ERBB4: variants seen among roughly 807,000 people sequenced by gnomAD.
ERBB4 encodes erb-b2 receptor tyrosine kinase 4.
Under a neutral mutation model 158.0 loss-of-function variants are expected in ERBB4, and 42 were observed. The ratio of observed to expected loss-of-function variants is 0.27; its 90% CI spans 0.21 to 0.34. The LOEUF is 0.34. Among genes scored for constraint, ERBB4 ranks in the 10% least tolerant of loss-of-function variants. ERBB4 has a pLI of 1.00. For missense variants in ERBB4, 1,333 were observed against 1,624.1 expected, an observed-to-expected ratio of 0.82 and a Z score of 3.08; for synonymous variants, 583 against 558.7, an observed-to-expected ratio of 1.04 and a Z score of -0.61.
chr2:212,383,259 C>T (rs1398336967), intron 1 of ERBB4, among the ~76,000 whole-genome samples: 1 of 151,310 alleles, frequency 6.6e-6, no homozygotes, highest in Admixed American at 6.6e-5. Context: ...GTCTACCTAC[C>T]TACACCCTAC....
chr2:212,375,403 C>T (rs956648565), intron 1 of ERBB4, among the ~76,000 whole-genome samples: 2 of 152,046 alleles, frequency 1.3e-5, no homozygotes, highest in Admixed American at 6.6e-5. Context: ...CTAATCTTGC[C>T]TGATCTTTTA....
chr2:211,653,484 C>CT (rs1262425326), intron 16 of ERBB4, among the ~76,000 whole-genome samples: 2 of 148,244 alleles, frequency 1.3e-5, no homozygotes, highest in African/African-American at 5.0e-5. Context: ...CCCGCCCCCC[C>CT]CCACGCCCGC....
At chr2:211,921,228 T>C (rs1370476597) in intron 3 of ERBB4, among the ~76,000 whole-genome samples, 1 of 152,012 alleles carries the variant, frequency 6.6e-6, no homozygotes, top group Non-Finnish European at 1.5e-5. Context: ...GTAACAGAAA[T>C]TGCTTTTATT....
At chr2:212,479,520 C>T (rs990332357) in intron 1 of ERBB4, among the ~76,000 whole-genome samples, 2 of 152,128 alleles carry the variant, frequency 1.3e-5, no homozygotes, top group Non-Finnish European at 2.9e-5. Flanking sequence ...GAGCACTACG[C>T]TTGAAAGTCA....
At chr2:212,104,022 A>C (rs995920100) in intron 2 of ERBB4, among the ~76,000 whole-genome samples, 2 of 152,104 alleles carry the variant, frequency 1.3e-5, no homozygotes, top group Admixed American at 6.5e-5. Context: ...ACTCAACCAA[A>C]AACAGTTAAA....
intron 12 of ERBB4, among the ~76,000 whole-genome samples, chr2:211,687,331 A>G (rs2105984796): frequency 6.6e-6 from 1 of 151,722 alleles, no homozygotes; most frequent in South Asian, 2.1e-4. Context: ...AGACAAGAAA[A>G]AACGAAAAAA....
intron 1 of ERBB4, among the ~76,000 whole-genome samples, chr2:212,234,034 G>T (rs1182570314): frequency 6.6e-6 from 1 of 150,770 alleles, no homozygotes; most frequent in Non-Finnish European, 1.5e-5. Context: ...TGTGCAGAAC[G>T]CACAGGTTTG....
At chr2:212,188,885 T>A in intron 1 of ERBB4, among the ~76,000 whole-genome samples, 1 of 152,236 alleles carries the variant, frequency 6.6e-6, no homozygotes, top group African/African-American at 2.4e-5. Context: ...CCTGTCACTA[T>A]TCCTGACGAA....
At chr2:212,390,288 T>C (rs1003523033) in intron 1 of ERBB4, among the ~76,000 whole-genome samples, 8 of 151,840 alleles carry the variant, frequency 5.3e-5, no homozygotes, top group African/African-American at 1.9e-4. Context: ...TTTATTAGTA[T>C]TTTAAGTATT....
At chr2:211,544,432 C>T (rs748965514) in intron 20 of ERBB4, among the ~76,000 whole-genome samples, 59 of 151,930 alleles carry the variant, frequency 3.9e-4, no homozygotes, top group Non-Finnish European at 7.6e-4. Context: ...TAGAGTTATA[C>T]AATAGAGTGT....
In ERBB4 at chr2:211,593,969, T is replaced by C. The variant is rs572226120; in HGVS notation, c.2301+25208A>G. Among the ~76,000 whole-genome samples, 524 of 152,308 alleles carry C rather than the reference T, an allele frequency of 3.4e-3. 1 individual carries two copies. Among genetic ancestry groups the C allele is most frequent in the Non-Finnish European group, 6.4e-3 (435 of 68,028 alleles). ...TACCGAAAGAGTTAGACAAGGCTGC[T>C]GTCAGGCATGACTCACAACCTGGTA... On this transcript the variant is annotated intron_variant, in intron 19 of 27. Transcript: ENST00000342788.
chr2:211,552,973 A>ATTTTTT (rs34100604), intron 20 of ERBB4, among the ~76,000 whole-genome samples: 1 of 146,886 alleles, frequency 6.8e-6, no homozygotes, highest in Non-Finnish European at 1.5e-5. Flanking sequence ...CAAATAATAC[A>ATTTTTT]TTTTTTTTTT....
chr2:212,218,748 C>G (rs190302231), intron 1 of ERBB4, among the ~76,000 whole-genome samples: 109 of 151,454 alleles, frequency 7.2e-4, no homozygotes, highest in African/African-American at 2.5e-3. Context: ...TGGCACATAT[C>G]AATATCATGG....
chr2:212,288,032 A>G (rs10174589), intron 1 of ERBB4, among the ~76,000 whole-genome samples: 69,022 of 151,896 alleles, frequency 0.45, 16,540 homozygotes, highest in Non-Finnish European at 0.51. Context: ...TAACAAACCT[A>G]CACTTGTACC....
intron 2 of ERBB4, among the ~76,000 whole-genome samples, chr2:211,954,641 G>T (rs1210278182): frequency 6.6e-6 from 1 of 152,022 alleles, no homozygotes; most frequent in Non-Finnish European, 1.5e-5. Flanking sequence ...AGGGAACAGA[G>T]AACTATGGTG....
At chr2:212,396,144 C>T (rs1177257706) in intron 1 of ERBB4, among the ~76,000 whole-genome samples, 1 of 152,090 alleles carries the variant, frequency 6.6e-6, no homozygotes, top group African/African-American at 2.4e-5. Context: ...GTCTGGAAAA[C>T]ATTGAAAAGA....
At chr2:212,351,557 T>G (rs1225536985) in intron 1 of ERBB4, among the ~76,000 whole-genome samples, 1 of 152,148 alleles carries the variant, frequency 6.6e-6, no homozygotes, top group Non-Finnish European at 1.5e-5. Context: ...CCACAAGTTT[T>G]TAAGCAGTGC....
chr2:212,076,966 G>T (rs539697218), intron 2 of ERBB4, among the ~76,000 whole-genome samples: 1 of 152,028 alleles, frequency 6.6e-6, no homozygotes, highest in South Asian at 2.1e-4. Context: ...AAGACATCCA[G>T]TAGAAAACTG....
chr2:211,423,833 G>T (rs970724176), intron 23 of ERBB4, among the ~76,000 whole-genome samples: 1 of 151,428 alleles, frequency 6.6e-6, no homozygotes, highest in Non-Finnish European at 1.5e-5. Flanking sequence ...TTCCCATAAA[G>T]GTCACTAATG....
Sources: allele counts gnomAD v4.1 joint callset (sites outside exome capture counted in the v4.1 genomes callset), GRCh38; gene constraint gnomAD v4.1.1; transcripts MANE v1.5; gene names NCBI Gene and HGNC (gene_info 2026-07-23, HGNC 2026-07-21).